Variants in TRPM6 observed in about 807,000 individuals in gnomAD.
TRPM6 encodes the protein transient receptor potential cation channel subfamily M member 6.
Under a neutral mutation model 247.6 loss-of-function variants are expected in TRPM6, and 111 were observed. That is an observed-to-expected ratio of 0.45 (90% CI 0.38 to 0.52). The LOEUF (loss-of-function observed/expected upper bound fraction) is 0.52. Ranked by LOEUF, TRPM6 falls within the 20% of genes least tolerant of loss-of-function variation. The pLI is 0.00. For missense variants in TRPM6, 2,126 were observed against 2,421.5 expected (o/e 0.88, Z 2.56); for synonymous variants, 892 against 853.8 (o/e 1.04, Z -0.78).
chr9:74,758,077 C>CA (rs1425523840), intron 27 of TRPM6, among the ~76,000 whole-genome samples: 4 of 151,896 alleles, frequency 2.6e-5, no homozygotes, highest in Admixed American at 2.0e-4. Flanking sequence ...TTGACATACA[C>CA]AAAAAAAGCT....
In TRPM6 at chr9:74,830,749, G is replaced by GT. The variant is rs71368685; in HGVS notation, c.670-2801dup. Reference sequence around the variant, plus strand: ...GCACCACCATGCCCAGCTAATTTTTGTTTTTTTTTTTTTTTTTTTTTTTTT... The same window carrying GT: ...GCACCACCATGCCCAGCTAATTTTTGTTTTTTTTTTTTTTTTTTTTTTTTTT... On this transcript the variant is annotated intron_variant, in intron 6 of 38. Transcript: ENST00000360774. Among the ~76,000 whole-genome samples the GT allele has an allele frequency of 1.2e-3, 103 of 87,280 alleles. 3 individuals are homozygous for GT. The highest frequency in any genetic ancestry group is 2.2e-3 in the African/African-American group (43 of 19,574). The allele number at this position is 87,280 out of a possible 152,430, so 57.3% of individuals were successfully genotyped here.
At chr9:74,834,850 A>G (rs370149124) in intron 5 of TRPM6, among the ~76,000 whole-genome samples, 15 of 152,082 alleles carry the variant, frequency 9.9e-5, no homozygotes, top group South Asian at 6.2e-4. Flanking sequence ...TGGACATTTG[A>G]GTTGGTTCCA....
At chr9:74,843,746 T>C (rs532776756) in intron 3 of TRPM6, among the ~76,000 whole-genome samples, 1 of 137,078 alleles carries the variant, frequency 7.3e-6, no homozygotes, top group East Asian at 2.1e-4. Flanking sequence ...ACCCAGGAGG[T>C]GGAGCTTGCA....
chr9:74,739,162 G>GAAC (rs1220652201), intron 35 of TRPM6, among the ~76,000 whole-genome samples: 1 of 152,082 alleles, frequency 6.6e-6, no homozygotes, highest in Non-Finnish European at 1.5e-5. Context: ...TTCCACTCAT[G>GAAC]TTTAAGTCCA....
intron 11 of TRPM6, among the ~76,000 whole-genome samples, chr9:74,814,477 A>G (rs1394510291): frequency 6.6e-6 from 1 of 152,204 alleles, no homozygotes; most frequent in Non-Finnish European, 1.5e-5. Context: ...CAAAGGACAA[A>G]TGCTTGAGGG....
intron 24 of TRPM6, among the ~76,000 whole-genome samples, chr9:74,772,583 C>CT (rs536576804): frequency 7.9e-4 from 121 of 152,332 alleles, no homozygotes; most frequent in African/African-American, 2.7e-3. Context: ...TGGCACAAGC[C>CT]TGTAGTCACA....
intron 36 of TRPM6, 100 bp downstream of exon 36, chr9:74,738,307 C>T: frequency 8.0e-7 from 1 of 1,254,970 alleles, no homozygotes; most frequent in Non-Finnish European, 1.2e-6. Flanking sequence ...CCCTTCAAAG[C>T]TAAATAGAGC....
intron 30 of TRPM6, among the ~76,000 whole-genome samples, chr9:74,750,436 G>A (rs1206382007): frequency 6.6e-6 from 1 of 152,170 alleles, no homozygotes; most frequent in Non-Finnish European, 1.5e-5. Context: ...TGTTGTAGGA[G>A]TATGTGTTTC....
chr9:74,727,919 T>C (rs1311764592), intron 38 of TRPM6, among the ~76,000 whole-genome samples: 1 of 151,404 alleles, frequency 6.6e-6, no homozygotes, highest in Non-Finnish European at 1.5e-5. Context: ...AGGACCCAAA[T>C]GTGGGGGGTG....
At chr9:74,786,310 C>A (rs1827661960) in intron 20 of TRPM6, among the ~76,000 whole-genome samples, 185 bp from the exon 21 acceptor site, 1 of 152,214 alleles carries the variant, frequency 6.6e-6, no homozygotes, top group Admixed American at 6.5e-5. Flanking sequence ...CAATGCTATA[C>A]AGATATAATT....
intron 24 of TRPM6, among the ~76,000 whole-genome samples, chr9:74,774,854 G>A (rs889128242): frequency 1.2e-4 from 19 of 152,300 alleles, no homozygotes; most frequent in African/African-American, 2.9e-4. Flanking sequence ...AAATGGCTTC[G>A]CATCAATTCT....
chr9:74,875,673 A>T (rs1198804816), intron 1 of TRPM6, among the ~76,000 whole-genome samples: 1 of 152,208 alleles, frequency 6.6e-6, no homozygotes, highest in African/African-American at 2.4e-5. Flanking sequence ...GAAAGATTTT[A>T]AAATTTGAGG....
At chr9:74,799,327 A>G (rs889935964) in intron 17 of TRPM6, among the ~76,000 whole-genome samples, 9 of 152,130 alleles carry the variant, frequency 5.9e-5, no homozygotes, top group Admixed American at 5.2e-4. Flanking sequence ...ATTTGGTTTC[A>G]TAAGTATATG....
intron 27 of TRPM6, 132 bp from the exon 28 acceptor site, chr9:74,755,605 G>A: frequency 8.6e-7 from 1 of 1,159,364 alleles, no homozygotes; most frequent in Non-Finnish European, 1.3e-6. Context: ...CCTGGGAAGT[G>A]CTGACAAATC....
chr9:74,887,814 C>T lies in TRPM6; in HGVS notation c.33+10G>A. 6.2e-7 allele frequency: 1 copy of T among 1,614,172 alleles called. No homozygotes were observed. Among genetic ancestry groups the T allele is most frequent in the Non-Finnish European group, 8.5e-7 (1 of 1,180,038 alleles). ...CCTTGTTCCCCGCCAGTCGAGCAGC[C>T]TGAGCTTACCTGCAAGCGCTCCAAG... On this transcript the variant is annotated intron_variant, in intron 1 of 38. Transcript: ENST00000360774.
At chr9:74,860,421 C>T (rs1465277141) in intron 1 of TRPM6, among the ~76,000 whole-genome samples, 1 of 152,098 alleles carries the variant, frequency 6.6e-6, no homozygotes, top group East Asian at 1.9e-4. Context: ...CAATCTGGCG[C>T]AATCTCGGCT....
chr9:74,879,880 G>C (rs1831307632), intron 1 of TRPM6, among the ~76,000 whole-genome samples: 1 of 152,148 alleles, frequency 6.6e-6, no homozygotes, highest in Non-Finnish European at 1.5e-5. Context: ...ATCCAAAGAG[G>C]AGGTCATGGG....
chr9:74,829,903 T>C (rs1829485599), intron 6 of TRPM6, among the ~76,000 whole-genome samples: 1 of 151,948 alleles, frequency 6.6e-6, no homozygotes, highest in Non-Finnish European at 1.5e-5. Flanking sequence ...GGCAGGAAGA[T>C]CACTTGAGGC....
At chr9:74,878,721 A>G (rs1054447140) in intron 1 of TRPM6, among the ~76,000 whole-genome samples, 1 of 152,374 alleles carries the variant, frequency 6.6e-6, no homozygotes, top group Admixed American at 6.5e-5. Flanking sequence ...AACATGAAAA[A>G]GCAAGGAAAT....
Sources: allele counts gnomAD v4.1 joint callset (sites outside exome capture counted in the v4.1 genomes callset), GRCh38; gene constraint gnomAD v4.1.1; transcripts MANE v1.5; gene names NCBI Gene and HGNC (gene_info 2026-07-23, HGNC 2026-07-21).